Variants in UBAP2 observed in about 807,000 individuals in gnomAD.
The protein encoded by UBAP2 is ubiquitin associated protein 2, also known as ubiquitin-associated protein 2.
In UBAP2, 75 loss-of-function variants were observed where a neutral mutation model predicts 139.6. The ratio of observed to expected loss-of-function variants is 0.54; its 90% CI spans 0.45 to 0.65. The LOEUF (loss-of-function observed/expected upper bound fraction) is 0.65. UBAP2 is among the 30% of genes least tolerant of loss of function. The probability of loss-of-function intolerance (pLI) is 0.00; values close to 1 mark genes in which losing one functional copy is unlikely to be tolerated. For synonymous variants in UBAP2, 526 were observed against 526.2 expected (o/e 1.00, Z 0.01); for missense variants, 1,368 against 1,369.6 (o/e 1.00, Z 0.02).
chr9:33,944,404 G>A lies in UBAP2; in HGVS notation c.1506C>T (p.His502=), dbSNP rs1432426217. 1 of 1,614,064 alleles carries A rather than the reference G, an allele frequency of 6.2e-7. No homozygotes were observed. The highest frequency in any genetic ancestry group is 8.5e-7 in the Non-Finnish European group (1 of 1,180,034). ...GTATCCGCCGCTTAGCAAGTTTGAT[G>A]TGTTTGGGCTGTGGCTGGTGGACAG... ...SVSVHQPQPK[H]IKLAKRRIPP... Residue 502 remains histidine (H), a synonymous_variant, in exon 14 of 29, where the codon CAC becomes CAT. Transcript: ENST00000379238.
intron 1 of UBAP2, among the ~76,000 whole-genome samples, chr9:34,018,317 C>T (rs1824576743): frequency 6.7e-6 from 1 of 149,872 alleles, no homozygotes; most frequent in African/African-American, 2.5e-5. Context: ...AGAGCTGTAA[C>T]ACTATAATTG....
chr9:33,954,926 A>G (rs577978357), intron 11 of UBAP2, among the ~76,000 whole-genome samples: 139 of 152,314 alleles, frequency 9.1e-4, no homozygotes, highest in African/African-American at 3.2e-3. Context: ...TTATCTTTCC[A>G]GATCACTACA....
At chr9:33,943,263 C>A (rs1825385855) in intron 15 of UBAP2, among the ~76,000 whole-genome samples, 157 bp downstream of exon 15, 1 of 152,148 alleles carries the variant, frequency 6.6e-6, no homozygotes, top group African/African-American at 2.4e-5. Flanking sequence ...AATGAAGAAA[C>A]TGAGACTGTC....
chr9:33,962,045 C>A (rs769746988), intron 9 of UBAP2, among the ~76,000 whole-genome samples: 19 of 152,050 alleles, frequency 1.2e-4, no homozygotes, highest in Non-Finnish European at 2.5e-4. Context: ...CACTAATACA[C>A]TGGAAATTTG....
Position 34,004,840 on chromosome 9 carries a change from C to T in UBAP2, c.100-5976G>A, listed in dbSNP as rs533678624. Reference sequence around the variant, plus strand: ...TTTTAAGGCTGGGCACGGTGACTCACGCCTATAATCCCAGCACTTTGGGAG... The same window carrying T: ...TTTTAAGGCTGGGCACGGTGACTCATGCCTATAATCCCAGCACTTTGGGAG... On this transcript the variant is annotated intron_variant, in intron 2 of 28. Coordinates refer to ENST00000379238, the MANE Select transcript of UBAP2 (RefSeq NM_001370062.2). Among the ~76,000 whole-genome samples the T allele has an allele frequency of 6.0e-4, 91 of 152,008 alleles. 1 individual carries two copies. In the South Asian group the frequency reaches 0.015, roughly 24 times the overall value.
intron 2 of UBAP2, among the ~76,000 whole-genome samples, chr9:34,004,888 C>A (rs1226843094): frequency 6.6e-6 from 1 of 152,036 alleles, no homozygotes; most frequent in Non-Finnish European, 1.5e-5. Flanking sequence ...GGAGACCAGC[C>A]TGGGCAACAT....
intron 15 of UBAP2, 46 bp downstream of exon 15, chr9:33,943,374 C>T: frequency 6.3e-7 from 1 of 1,593,876 alleles, no homozygotes; most frequent in Non-Finnish European, 8.6e-7. Context: ...CAGTTGATCT[C>T]TCTTAGGGTC....
Position 33,923,231 on chromosome 9 carries a change from A to G in UBAP2, c.2959T>C (p.Ser987Pro), listed in dbSNP as rs1823083210. The G allele has an allele frequency of 1.2e-6, 2 of 1,614,182 alleles. No homozygotes were observed. The highest frequency in any genetic ancestry group is 1.7e-6 in the Non-Finnish European group (2 of 1,180,026). Residue 987 changes from serine (S) to proline (P), a missense_variant, in exon 26 of 29, where the codon TCA (serine) becomes CCA (proline). Physicochemically the swap from Ser to Pro is moderately conservative, Grantham distance 74. Coordinates refer to ENST00000379238, the MANE Select transcript of UBAP2 (RefSeq NM_001370062.2). ...GDYSKGGYAG[S>P]SQAPNKSAGS... is the part of the protein sequence containing the mutation. ...GCAGACTTGTTTGGTGCCTGCGATG[A>G]TCCAGCATAGCCACCTTTGGAGTAG...
At chr9:34,021,969 G>A (rs1443153785) in intron 1 of UBAP2, among the ~76,000 whole-genome samples, 1 of 152,108 alleles carries the variant, frequency 6.6e-6, no homozygotes, top group Admixed American at 6.6e-5. Context: ...TTCAGGCCAG[G>A]CACCGTGGCT....
At position 33,939,189 on chromosome 9, in the gene UBAP2, C is replaced by CTTTT. The variant is rs72150705; in HGVS notation, c.1929+2456_1929+2459dup. Among the ~76,000 whole-genome samples, 388 of 78,574 alleles carry CTTTT rather than the reference C, an allele frequency of 4.9e-3. 10 individuals are homozygous for CTTTT. The highest frequency in any genetic ancestry group is 7.9e-3 in the East Asian group (18 of 2,268). 51.5% of individuals were successfully genotyped at this position (78,574 alleles called of 152,430 possible). A position where few individuals can be genotyped will look rare whatever the true frequency, so the allele number is the denominator to read the frequency against. On this transcript the variant is annotated intron_variant, in intron 16 of 28. Transcript: ENST00000379238. ...AATAACATTATTTGATTTCCTATGT[C>CTTTT]TTTTTTTTTTTTTTTTTTTTTTGAG...
chr9:33,999,124 CT>C (rs1204335117), intron 2 of UBAP2, among the ~76,000 whole-genome samples: 1 of 152,134 alleles, frequency 6.6e-6, no homozygotes, highest in Non-Finnish European at 1.5e-5. Context: ...CAATGACTTA[CT>C]TGAATCTTCT....
chr9:33,980,220 C>CTTTCTTTCTTTTTTTTTTTTTT (rs1820522954), intron 6 of UBAP2, among the ~76,000 whole-genome samples: 1 of 49,086 alleles, frequency 2.0e-5, no homozygotes, highest in African/African-American at 7.9e-5. Context: ...AGTGTCATTT[C>CTTTCTTTCTTTTTTTTTTTTTT]TTTTTTTTTT....
intron 1 of UBAP2, among the ~76,000 whole-genome samples, chr9:34,019,029 G>A (rs919742899): frequency 1.3e-5 from 2 of 152,074 alleles, no homozygotes; most frequent in South Asian, 2.1e-4. Context: ...GCCTTAAGAA[G>A]GGAAGATATT....
intron 1 of UBAP2, among the ~76,000 whole-genome samples, chr9:34,035,679 C>A (rs947416606): frequency 6.7e-6 from 1 of 150,276 alleles, no homozygotes; most frequent in African/African-American, 2.4e-5. Flanking sequence ...AGCGAGACTC[C>A]ATCTCAAAAA....
intron 1 of UBAP2, among the ~76,000 whole-genome samples, chr9:34,026,641 C>G (rs1209524755): frequency 6.6e-6 from 1 of 152,110 alleles, no homozygotes; most frequent in Non-Finnish European, 1.5e-5. Flanking sequence ...AAAGCACATA[C>G]CATTCACTAT....
chr9:33,996,176 G>C (rs1336383895), intron 4 of UBAP2, 47 bp downstream of exon 4: 1 of 1,428,014 alleles, frequency 7.0e-7, no homozygotes, highest in Non-Finnish European at 9.8e-7. Flanking sequence ...ATGTGCTACG[G>C]AATTGGAGAC....
intron 1 of UBAP2, among the ~76,000 whole-genome samples, chr9:34,019,179 T>C (rs1824673947): frequency 6.6e-6 from 1 of 151,988 alleles, no homozygotes; most frequent in Non-Finnish European, 1.5e-5. Flanking sequence ...GGCAGGTAGA[T>C]TGATTACAAG....
chr9:33,923,243 C>T lies in UBAP2; in HGVS notation c.2947G>A (p.Gly983Ser). The T allele has an allele frequency of 6.2e-7, 1 of 1,614,212 alleles. No individual in the cohort carries two copies. Among genetic ancestry groups the T allele is most frequent in the Non-Finnish European group, 8.5e-7 (1 of 1,180,038 alleles). Residue 983 changes from glycine (G) to serine (S), a missense_variant, in exon 26 of 29, where the codon GGC (glycine) becomes AGC (serine). Transcript: ENST00000379238. ...GGTGCCTGCGATGATCCAGCATAGCCACCTTTGGAGTAGTCTCCTGCTGCT... is the reference window on the plus strand; with the variant it reads ...GGTGCCTGCGATGATCCAGCATAGCTACCTTTGGAGTAGTCTCCTGCTGCT... ...GTAAGDYSKG[G>S]YAGSSQAPNK... is the part of the protein sequence containing the mutation.
At position 33,966,293 on chromosome 9, in the gene UBAP2, C is replaced by CAAAA. The variant is rs776047582; in HGVS notation, c.680-2506_680-2503dup. 2.6e-5 allele frequency among the ~76,000 whole-genome samples: 3 copies of CAAAA among 116,262 alleles called. No homozygotes were observed. The East Asian group carries it at 7.3e-4, about 28-fold the overall frequency. The allele number at this position is 116,262 out of a possible 152,430, so 76.3% of individuals were successfully genotyped here. On this transcript the variant is annotated intron_variant, in intron 8 of 28. Coordinates refer to ENST00000379238, the MANE Select transcript of UBAP2 (RefSeq NM_001370062.2). ...TGAAACCCTGTCTCTACTAAAACTA[C>CAAAA]AAAAAAAAAAAAAAAATTAGCTGGG...
Sources: allele counts gnomAD v4.1 joint callset (sites outside exome capture counted in the v4.1 genomes callset), GRCh38; gene constraint gnomAD v4.1.1; transcripts MANE v1.5; gene names NCBI Gene and HGNC (gene_info 2026-07-23, HGNC 2026-07-21).